NME7: variants seen among roughly 807,000 people sequenced by gnomAD.
NME7 encodes the protein NME/NM23 family member 7.
Under a neutral mutation model 49.1 loss-of-function variants are expected in NME7, and 41 were observed. That is an observed-to-expected ratio of 0.83 (90% CI 0.65 to 1.08). The LOEUF (loss-of-function observed/expected upper bound fraction) is 1.08. Ranked by LOEUF, NME7 falls within the 50% of genes least tolerant of loss-of-function variation. The pLI, the probability that NME7 is intolerant of heterozygous loss-of-function variation, is 0.00. For missense variants in NME7, 423 were observed against 463.4 expected, an observed-to-expected ratio of 0.91 and a Z score of 0.80; for synonymous variants, 139 against 150.6, an observed-to-expected ratio of 0.92 and a Z score of 0.56.
At position 169,304,085 on chromosome 1, in the gene NME7, G is replaced by T. The variant is rs181056877; in HGVS notation, c.390-890C>A. Among the ~76,000 whole-genome samples the T allele has an allele frequency of 9.3e-4, 141 of 152,222 alleles. 1 individual carries two copies. The highest frequency in any genetic ancestry group is 3.1e-3 in the African/African-American group (128 of 41,558). On this transcript the variant is annotated intron_variant, in intron 4 of 11. Coordinates refer to ENST00000367811, the MANE Select transcript of NME7 (RefSeq NM_013330.5). ...GCTTTAACTGACATCACTAAAAAAG[G>T]GGAGAATATGGAAACATTTAGAATT...
chr1:169,311,608 T>A (rs866813053), intron 3 of NME7, among the ~76,000 whole-genome samples: 1 of 152,158 alleles, frequency 6.6e-6, no homozygotes, highest in Non-Finnish European at 1.5e-5. Context: ...TCTGGCTTCA[T>A]TGAAAACACA....
At chr1:169,199,450 T>A (rs7521964) in intron 10 of NME7, among the ~76,000 whole-genome samples, 5,568 of 111,434 alleles carry the variant, frequency 0.05, 139 homozygotes, top group African/African-American at 0.078. Context: ...CAGGGTCTTT[T>A]TTATTATTAT....
intron 11 of NME7, among the ~76,000 whole-genome samples, chr1:169,152,845 C>T (rs1383414520): frequency 6.6e-6 from 1 of 152,102 alleles, no homozygotes; most frequent in Non-Finnish European, 1.5e-5. Context: ...AGTCACTTCC[C>T]TGTTCAAAAA....
chr1:169,237,973 T>C (rs1408349762), intron 7 of NME7, among the ~76,000 whole-genome samples: 1 of 151,974 alleles, frequency 6.6e-6, no homozygotes, highest in African/African-American at 2.4e-5. Context: ...CTAGGTGATA[T>C]AGAGAACATA....
intron 11 of NME7, among the ~76,000 whole-genome samples, chr1:169,142,596 C>G (rs999642119): frequency 3.9e-5 from 6 of 152,172 alleles, no homozygotes; most frequent in African/African-American, 1.4e-4. Flanking sequence ...CTAGAAAAAC[C>G]CAGGATTACT....
intron 1 of NME7, among the ~76,000 whole-genome samples, chr1:169,356,530 A>C (rs1484128338): frequency 6.6e-6 from 1 of 152,198 alleles, no homozygotes; most frequent in Non-Finnish European, 1.5e-5. Context: ...GAAAATGTAT[A>C]TCTCAGAAGG....
In NME7 at chr1:169,269,467, T is replaced by C. The variant is rs1021755792; in HGVS notation, c.754+17836A>G. ...GTTTAGCTCTCTTTATACCAAAAAATGTCATGCCTCTTTCACAGTATCCTA... is the reference window on the plus strand; with the variant it reads ...GTTTAGCTCTCTTTATACCAAAAAACGTCATGCCTCTTTCACAGTATCCTA... On this transcript the variant is annotated intron_variant, in intron 7 of 11. Coordinates refer to ENST00000367811, the MANE Select transcript of NME7 (RefSeq NM_013330.5). 4.7e-4 allele frequency among the ~76,000 whole-genome samples: 63 copies of C among 134,152 alleles called. 9 individuals carry two copies. Among genetic ancestry groups the C allele is most frequent in the African/African-American group, 1.6e-3 (62 of 39,684 alleles). The allele number at this position is 134,152 out of a possible 152,430, so 88.0% of individuals were successfully genotyped here. A position where few individuals can be genotyped will look rare whatever the true frequency, so the allele number is the denominator to read the frequency against.
At chr1:169,309,546 TTC>T (rs1651303229) in intron 4 of NME7, among the ~76,000 whole-genome samples, 1 of 152,148 alleles carries the variant, frequency 6.6e-6, no homozygotes, top group Non-Finnish European at 1.5e-5. Flanking sequence ...CTGGTGGAAG[TTC>T]ACCACCAATT....
intron 1 of NME7, among the ~76,000 whole-genome samples, chr1:169,325,566 C>T (rs749472934): frequency 7.9e-5 from 12 of 152,016 alleles, no homozygotes; most frequent in East Asian, 1.9e-4. Context: ...ACCCTCGCCC[C>T]AAAGATCTTC....
intron 7 of NME7, among the ~76,000 whole-genome samples, chr1:169,253,236 C>A (rs1349704107): frequency 4.0e-4 from 58 of 143,900 alleles, no homozygotes; most frequent in African/African-American, 1.0e-3. Context: ...CTTTTATTTC[C>A]TTGAGCAGTG....
rs1649535199 is a variant in NME7 at position 169,272,777 on chromosome 1, A to G, written c.754+14526T>C. On this transcript the variant is annotated intron_variant, in intron 7 of 11. Transcript: ENST00000367811. Reference sequence around the variant, plus strand: ...ACATACACGTGCATGTATTTTTATAATAGAACGATTTACATTCCTTTGGGT... The same window carrying G: ...ACATACACGTGCATGTATTTTTATAGTAGAACGATTTACATTCCTTTGGGT... Among the ~76,000 whole-genome samples, 2 of 133,164 alleles carry G rather than the reference A, an allele frequency of 1.5e-5. 1 individual carries two copies. The highest frequency in any genetic ancestry group is 4.7e-4 in the South Asian group (2 of 4,288). The allele number at this position is 133,164 out of a possible 152,430, so 87.4% of individuals were successfully genotyped here. A position where few individuals can be genotyped will look rare whatever the true frequency, so the allele number is the denominator to read the frequency against.
At chr1:169,143,281 T>TTTTTG (rs1658656690) in intron 11 of NME7, among the ~76,000 whole-genome samples, 1 of 151,208 alleles carries the variant, frequency 6.6e-6, no homozygotes, top group Admixed American at 6.6e-5. Flanking sequence ...GGCTTTTTTT[T>TTTTTG]TTTTTTTTTT....
Position 169,221,819 on chromosome 1 carries a change from C to T in NME7, c.990+8899G>A, listed in dbSNP as rs116959985. On this transcript the variant is annotated intron_variant, in intron 10 of 11. Transcript: ENST00000367811. The stretch of plus-strand genomic sequence containing the variant: ...GGCTCACTGCAGCCTTAACCTATTA[C>T]AGGCATGTGCCACCATGCCTGGCAA... Among the ~76,000 whole-genome samples the T allele has an allele frequency of 8.5e-4, 130 of 152,138 alleles. 1 individual carries two copies. The East Asian group carries it at 0.02, about 23-fold the overall frequency.
intron 10 of NME7, among the ~76,000 whole-genome samples, chr1:169,173,134 C>A (rs901226270): frequency 1.6e-4 from 24 of 152,188 alleles, no homozygotes; most frequent in Non-Finnish European, 2.8e-4. Flanking sequence ...GTTGTGTGAC[C>A]ACACCACATT....
chr1:169,343,700 G>A (rs2101966704), intron 1 of NME7, among the ~76,000 whole-genome samples: 1 of 152,128 alleles, frequency 6.6e-6, no homozygotes, highest in South Asian at 2.1e-4. Context: ...TCACCATGTT[G>A]GCCGGGCTGG....
chr1:169,182,136 C>A (rs1281132879), intron 10 of NME7, among the ~76,000 whole-genome samples: 1 of 146,694 alleles, frequency 6.8e-6, no homozygotes, highest in East Asian at 2.2e-4. Flanking sequence ...TCCAGAGTAG[C>A]TCGGACTACA....
Position 169,247,125 on chromosome 1 carries a change from A to T in NME7, c.755-9438T>A, listed in dbSNP as rs1410696380. ...GAACAGCTATACCTTGGTTGAAATA[A>T]GATCACAGTTTTAAAACAAGGACAG... is the stretch of plus-strand genomic sequence containing the variant. On this transcript the variant is annotated intron_variant, in intron 7 of 11. Transcript: ENST00000367811. 8.8e-6 allele frequency: 4 copies of T among 454,726 alleles called. No individual in the cohort carries two copies. The East Asian group carries it at 2.8e-4, about 32-fold the overall frequency. 28.2% of individuals were successfully genotyped at this position (454,726 alleles called of 1,614,324 possible).
rs979507457 is a variant in NME7 at position 169,256,595 on chromosome 1, C to T, written c.755-18908G>A. 5.2e-4 allele frequency among the ~76,000 whole-genome samples: 68 copies of T among 130,694 alleles called. 7 individuals carry two copies. The highest frequency in any genetic ancestry group is 1.6e-3 in the African/African-American group (63 of 38,664). The allele number at this position is 130,694 out of a possible 152,430, so 85.7% of individuals were successfully genotyped here. On this transcript the variant is annotated intron_variant, in intron 7 of 11. Coordinates refer to ENST00000367811, the MANE Select transcript of NME7 (RefSeq NM_013330.5). ...AGTCATTCTCCATCCAGCTTTGTTC[C>T]GTTGCCGGTGAGGAACTGCGTTCCT...
intron 10 of NME7, among the ~76,000 whole-genome samples, chr1:169,181,191 A>G (rs150871211): frequency 2.0e-3 from 302 of 149,942 alleles, no homozygotes; most frequent in African/African-American, 6.1e-3. Flanking sequence ...CTACCTATCT[A>G]TAATTTATCA....
Sources: allele counts gnomAD v4.1 joint callset (sites outside exome capture counted in the v4.1 genomes callset), GRCh38; gene constraint gnomAD v4.1.1; transcripts MANE v1.5; gene names NCBI Gene and HGNC (gene_info 2026-07-23, HGNC 2026-07-21).